SLC26A8: variants seen among roughly 807,000 people sequenced by gnomAD.
The protein encoded by SLC26A8 is solute carrier family 26 member 8.
Under a neutral mutation model 105.0 loss-of-function variants are expected in SLC26A8, and 70 were observed. The ratio of observed to expected loss-of-function variants is 0.67; its 90% CI spans 0.55 to 0.81. The LOEUF (loss-of-function observed/expected upper bound fraction) is 0.81. Ranked by LOEUF, SLC26A8 falls within the 40% of genes least tolerant of loss-of-function variation. The pLI, the probability that SLC26A8 is intolerant of heterozygous loss-of-function variation, is 0.00. For synonymous variants in SLC26A8, 415 were observed against 438.3 expected, an observed-to-expected ratio of 0.95 and a Z score of 0.66; for missense variants, 998 against 1,181.8, an observed-to-expected ratio of 0.84 and a Z score of 2.28.
chr6:35,943,843 C>T lies in SLC26A8; in HGVS notation c.*57G>A, dbSNP rs533155815. 62 of 1,578,406 alleles carry T rather than the reference C, an allele frequency of 3.9e-5. 1 individual carries two copies. The South Asian group carries it at 7.0e-4, about 18-fold the overall frequency. ...GTCTAGGTCTCTGGACAATTGACCC[C>T]TTTTTGGGTAGGAGGATTTGCCAGC... is the stretch of plus-strand genomic sequence containing the variant. On this transcript the variant is annotated 3_prime_UTR_variant, in exon 20 of 20. Coordinates refer to ENST00000490799, the MANE Select transcript of SLC26A8 (RefSeq NM_052961.4).
chr6:35,984,319 A>AT (rs59314649), intron 7 of SLC26A8, among the ~76,000 whole-genome samples: 1,998 of 116,514 alleles, frequency 0.017, 91 homozygotes, highest in African/African-American at 0.046. Flanking sequence ...TCTTCTTCTT[A>AT]TTTTTTTTTT....
At chr6:36,024,218 G>C (rs1270037591) in intron 1 of SLC26A8, 2 of 301,848 alleles carry the variant, frequency 6.6e-6, no homozygotes, top group Admixed American at 5.1e-5. Flanking sequence ...GTCAGTTCTG[G>C]GGCTTTTGAC....
chr6:36,010,499 A>C (rs1761823390), intron 3 of SLC26A8, among the ~76,000 whole-genome samples: 1 of 151,408 alleles, frequency 6.6e-6, no homozygotes, highest in East Asian at 1.9e-4. Flanking sequence ...ACTCTGCATC[A>C]ATTGTGGTGG....
At chr6:35,985,776 C>T (rs2127340195) in intron 7 of SLC26A8, among the ~76,000 whole-genome samples, 1 of 150,698 alleles carries the variant, frequency 6.6e-6, no homozygotes, top group South Asian at 2.1e-4. Context: ...AAGCTGCAGC[C>T]TCCTAAGGTG....
chr6:35,960,011 C>A (rs1216157154), intron 14 of SLC26A8: 17 of 405,004 alleles, frequency 4.2e-5, no homozygotes, highest in African/African-American at 3.5e-4. Context: ...CGGGTTCAAG[C>A]AATTCTCCTG....
intron 19 of SLC26A8, among the ~76,000 whole-genome samples, chr6:35,945,706 G>C (rs1581617846): frequency 6.6e-6 from 1 of 152,112 alleles, no homozygotes; most frequent in African/African-American, 2.4e-5. Flanking sequence ...CATAGTACCA[G>C]TAACATATTC....
intron 3 of SLC26A8, 122 bp downstream of exon 3, chr6:36,012,111 T>A: frequency 1.5e-6 from 2 of 1,336,816 alleles, no homozygotes; most frequent in Non-Finnish European, 1.0e-6. Context: ...CAAATGGTAA[T>A]GCTGTGAATA....
At chr6:36,006,476 TGTG>T (rs1761690044) in intron 3 of SLC26A8, among the ~76,000 whole-genome samples, 1 of 152,174 alleles carries the variant, frequency 6.6e-6, no homozygotes, top group African/African-American at 2.4e-5. Flanking sequence ...TGCTAGGTGT[TGTG>T]GTGAATGCTA....
intron 12 of SLC26A8, among the ~76,000 whole-genome samples, chr6:35,962,270 AC>A (rs1257956168): frequency 6.6e-6 from 1 of 152,008 alleles, no homozygotes; most frequent in Non-Finnish European, 1.5e-5. Flanking sequence ...TGAATGACAA[AC>A]CCTTTTTGCT....
rs1281355415 is a variant in SLC26A8 at position 35,968,589 on chromosome 6, A to ATGTGTG, written c.1365+282_1365+287dup. ...TATATATAAATATACATATGTGTGT[A>ATGTGTG]TGTGTGTGTGTGTGTGTGTGTATAT... On this transcript the variant is annotated intron_variant, in intron 11 of 19. Coordinates refer to ENST00000490799, the MANE Select transcript of SLC26A8 (RefSeq NM_052961.4). 6.7e-4 allele frequency among the ~76,000 whole-genome samples: 41 copies of ATGTGTG among 61,426 alleles called. 2 individuals are homozygous for ATGTGTG. Among genetic ancestry groups the ATGTGTG allele is most frequent in the African/African-American group, 2.1e-3 (39 of 18,426 alleles). The allele number at this position is 61,426 out of a possible 152,430, so 40.3% of individuals were successfully genotyped here.
chr6:35,986,717 C>A (rs1472710532), intron 7 of SLC26A8, among the ~76,000 whole-genome samples: 3 of 151,950 alleles, frequency 2.0e-5, no homozygotes, highest in Non-Finnish European at 4.4e-5. Flanking sequence ...TTTTTTTAAA[C>A]AAAATACCCA....
chr6:36,020,639 A>G (rs184306639), intron 1 of SLC26A8, among the ~76,000 whole-genome samples: 4 of 152,166 alleles, frequency 2.6e-5, no homozygotes, highest in African/African-American at 9.6e-5. Flanking sequence ...AAAAATCTAT[A>G]TTATCCTGCT....
intron 11 of SLC26A8, among the ~76,000 whole-genome samples, chr6:35,964,194 C>T (rs1399944718): frequency 6.6e-6 from 1 of 152,156 alleles, no homozygotes; most frequent in East Asian, 1.9e-4. Context: ...AGTGAAAGAG[C>T]AAGACCCTGT....
intron 14 of SLC26A8, 59 bp from the exon 15 acceptor site, chr6:35,959,865 A>G (rs557347002): frequency 4.5e-5 from 58 of 1,291,300 alleles, no homozygotes; most frequent in Non-Finnish European, 6.0e-5. Flanking sequence ...GAATAAGAAT[A>G]ATATATCCTT....
intron 5 of SLC26A8, 105 bp from the exon 6 acceptor site, chr6:35,992,779 T>A: frequency 8.5e-7 from 1 of 1,178,796 alleles, no homozygotes; most frequent in South Asian, 1.6e-5. Context: ...AAAGTTAAGA[T>A]AGGCCCCTTT....
intron 1 of SLC26A8, among the ~76,000 whole-genome samples, chr6:36,023,973 G>C (rs1372224350): frequency 6.6e-6 from 1 of 151,950 alleles, no homozygotes; most frequent in Non-Finnish European, 1.5e-5. Flanking sequence ...GAGTAACATG[G>C]TGTGTTGGAG....
intron 1 of SLC26A8, among the ~76,000 whole-genome samples, chr6:36,021,029 TA>T (rs1762115687): frequency 6.6e-6 from 1 of 152,202 alleles, no homozygotes; most frequent in African/African-American, 2.4e-5. Flanking sequence ...TCCACAACAA[TA>T]CCAGTACTAC....
chr6:35,972,872 G>C (rs1251906053), intron 10 of SLC26A8, among the ~76,000 whole-genome samples: 1 of 152,212 alleles, frequency 6.6e-6, no homozygotes, highest in Non-Finnish European at 1.5e-5. Context: ...GAATCAATGA[G>C]TGCATTTGGC....
rs1371866312 is a variant in SLC26A8 at position 35,950,215 on chromosome 6, A to C, written c.2472+948T>G. ...AATATTTTAGTGCCCATCTGTTTTA[A>C]TTTCCTTTTTTTGTTTTTGGAAACC... On this transcript the variant is annotated intron_variant, in intron 19 of 19. Coordinates refer to ENST00000490799, the MANE Select transcript of SLC26A8 (RefSeq NM_052961.4). 2.6e-5 allele frequency among the ~76,000 whole-genome samples: 4 copies of C among 151,988 alleles called. No homozygotes were observed. In the South Asian group the frequency reaches 8.3e-4, roughly 31 times the overall value.
Sources: allele counts gnomAD v4.1 joint callset (sites outside exome capture counted in the v4.1 genomes callset), GRCh38; gene constraint gnomAD v4.1.1; transcripts MANE v1.5; gene names NCBI Gene and HGNC (gene_info 2026-07-23, HGNC 2026-07-21).